The following ZMYND8 variants were observed in gnomAD, a reference collection of about 807,000 sequenced individuals.
ZMYND8 encodes MYND-type zinc finger-containing chromatin reader ZMYND8.
Under a neutral mutation model 140.8 loss-of-function variants are expected in ZMYND8, and 37 were observed. That is an observed-to-expected ratio of 0.26 (90% CI 0.20 to 0.35). The LOEUF is 0.35. Among genes scored for constraint, ZMYND8 ranks in the 10% least tolerant of loss-of-function variants. The pLI, the probability that ZMYND8 is intolerant of heterozygous loss-of-function variation, is 1.00. For missense variants in ZMYND8, 1,068 were observed against 1,570.0 expected (o/e 0.68, Z 5.40); for synonymous variants, 592 against 597.1 (o/e 0.99, Z 0.12).
Position 47,276,765 on chromosome 20 carries a change from G to T in ZMYND8, c.1029C>A (p.Leu343=). 6.2e-7 allele frequency: 1 copy of T among 1,612,418 alleles called. No individual in the cohort carries two copies. Among genetic ancestry groups the T allele is most frequent in the South Asian group, 1.1e-5 (1 of 91,032 alleles). The change falls in exon 11 of 23, where the codon CTC becomes CTA. Residue 343 remains leucine (L), a synonymous_variant. Transcript: ENST00000471951. ...RAWVPINNCY[L]MSKEIPFSVK... Reference sequence around the variant, plus strand: ...CAGAAAAAGGAATTTCTTTAGACATGAGGTAGCAATTATTTATTGGAACCC... The same window carrying T: ...CAGAAAAAGGAATTTCTTTAGACATTAGGTAGCAATTATTTATTGGAACCC...
In ZMYND8 at chr20:47,246,453, C is replaced by A. The variant is rs767528151; in HGVS notation, c.1839G>T (p.Glu613Asp). The part of the protein sequence containing the change: ...AVEHSDSEDS[E>D]KSDSSDSEYI... The stretch of plus-strand genomic sequence containing the variant: ...ACTCACTATCGCTACTATCTGACTT[C>A]TCAGAATCCTCCGAATCGCTGTGCT... Residue 613 changes from glutamate (E) to aspartate (D), a missense_variant, in exon 14 of 23, where the codon GAG becomes GAT. By Grantham distance (45) the Glu-to-Asp change is conservative (BLOSUM62 2). Transcript: ENST00000471951. The A allele has an allele frequency of 6.2e-7, 1 of 1,613,886 alleles. No individual in the cohort carries two copies. Among genetic ancestry groups the A allele is most frequent in the Non-Finnish European group, 8.5e-7 (1 of 1,180,032 alleles).
At chr20:47,306,925 G>A (rs2078532775) in intron 3 of ZMYND8, among the ~76,000 whole-genome samples, 1 of 152,162 alleles carries the variant, frequency 6.6e-6, no homozygotes, top group African/African-American at 2.4e-5. Context: ...AGGGAATGGT[G>A]GGCAGTGTGG....
rs1477884036 is a variant in ZMYND8, at chr20:47,246,106, G to A, written c.2186C>T (p.Ser729Leu). ...PTVHLGLDSD[S>L]ESELVIDLGE... Reference sequence around the variant, plus strand: ...TAAATCTATGACAAGTTCGCTCTCTGAATCAGAGTCCAGGCCCAAATGGAC... The same window carrying A: ...TAAATCTATGACAAGTTCGCTCTCTAAATCAGAGTCCAGGCCCAAATGGAC... The change falls in exon 14 of 23, where the codon TCA (serine) becomes TTA (leucine). Residue 729 changes from serine to leucine, a missense_variant. Coordinates refer to ENST00000471951, the MANE Select transcript of ZMYND8 (RefSeq NM_001281775.3). 4 of 1,614,072 alleles carry A rather than the reference G, an allele frequency of 2.5e-6. No homozygotes were observed.
chr20:47,327,414 G>T (rs2080524813), intron 2 of ZMYND8, among the ~76,000 whole-genome samples: 1 of 152,022 alleles, frequency 6.6e-6, no homozygotes, highest in African/African-American at 2.4e-5. Context: ...AGCACTTTGG[G>T]AGGCCAAGGC....
At chr20:47,318,147 C>T (rs1037236585) in intron 2 of ZMYND8, among the ~76,000 whole-genome samples, 1 of 152,062 alleles carries the variant, frequency 6.6e-6, no homozygotes, top group African/African-American at 2.4e-5. Flanking sequence ...TGGAAAACAC[C>T]GGCCTGTGTA....
At chr20:47,211,206 C>T (rs760489510) in intron 22 of ZMYND8, among the ~76,000 whole-genome samples, 4 of 152,166 alleles carry the variant, frequency 2.6e-5, no homozygotes, top group South Asian at 2.1e-4. Context: ...TGTCTGGAAC[C>T]GTGTATCCTT....
chr20:47,342,998 AGCCGG>A (rs1328390847), intron 2 of ZMYND8, among the ~76,000 whole-genome samples: 1 of 152,040 alleles, frequency 6.6e-6, no homozygotes, highest in Non-Finnish European at 1.5e-5. Flanking sequence ...TAAATAGGCC[AGCCGG>A]GCATGGTGGT....
intron 22 of ZMYND8, among the ~76,000 whole-genome samples, chr20:47,211,987 A>C (rs2035336376): frequency 1.3e-5 from 2 of 152,316 alleles, no homozygotes; most frequent in South Asian, 4.1e-4. Context: ...AGTGACCAAA[A>C]GGGAGCAATA....
intron 8 of ZMYND8, chr20:47,285,883 T>G (rs992802283): frequency 3.2e-6 from 3 of 951,882 alleles, no homozygotes; most frequent in Admixed American, 6.2e-5. Context: ...TTTATAAAAC[T>G]CTCTCTACAT....
chr20:47,284,696 C>T (rs1370982291), intron 8 of ZMYND8, among the ~76,000 whole-genome samples: 5 of 152,080 alleles, frequency 3.3e-5, no homozygotes, highest in Non-Finnish European at 7.4e-5. Context: ...GCTCCACTGA[C>T]GACAATCCGA....
intron 14 of ZMYND8, among the ~76,000 whole-genome samples, chr20:47,240,850 G>A (rs1017728650): frequency 1.3e-5 from 2 of 151,692 alleles, no homozygotes; most frequent in African/African-American, 4.8e-5. Context: ...CAACGTGCCC[G>A]GCCTATTTTA....
chr20:47,340,142 A>G (rs1182411382), intron 2 of ZMYND8, among the ~76,000 whole-genome samples: 2 of 152,060 alleles, frequency 1.3e-5, no homozygotes, highest in African/African-American at 4.8e-5. Context: ...GGGTTTCACC[A>G]TATTGGCCAG....
intron 8 of ZMYND8, among the ~76,000 whole-genome samples, chr20:47,284,267 TG>T (rs765915792): frequency 6.6e-6 from 1 of 152,154 alleles, no homozygotes; most frequent in Non-Finnish European, 1.5e-5. Flanking sequence ...GTCCTTCCCC[TG>T]CTTAAAAGCC....
chr20:47,302,762 C>T (rs1230652626), intron 3 of ZMYND8, among the ~76,000 whole-genome samples: 1 of 152,098 alleles, frequency 6.6e-6, no homozygotes, highest in Non-Finnish European at 1.5e-5. Flanking sequence ...GACTTAGAGA[C>T]CCCCTCAGAG....
At chr20:47,299,002 A>C in intron 3 of ZMYND8, 55 bp from the exon 4 acceptor site, 3 of 1,542,176 alleles carry the variant, frequency 1.9e-6, no homozygotes, top group Non-Finnish European at 2.7e-6. Context: ...GCATTCTCAA[A>C]AGGAATTTGA....
At chr20:47,270,662 A>T (rs1393011095) in intron 11 of ZMYND8, among the ~76,000 whole-genome samples, 2 of 146,892 alleles carry the variant, frequency 1.4e-5, no homozygotes, top group Admixed American at 6.9e-5. Context: ...AGAGTCTGAG[A>T]CCAGCCTGGG....
At chr20:47,238,583 G>C in intron 15 of ZMYND8, 175 bp downstream of exon 15, 1 of 1,250,900 alleles carries the variant, frequency 8.0e-7, no homozygotes, top group Non-Finnish European at 1.1e-6. Context: ...AAAAAAGCAA[G>C]TAGCAAAACA....
intron 3 of ZMYND8, among the ~76,000 whole-genome samples, chr20:47,307,004 T>C (rs1031354863): frequency 5.3e-5 from 8 of 152,128 alleles, no homozygotes; most frequent in African/African-American, 1.9e-4. Flanking sequence ...TTGCTAGATT[T>C]TGCTGAGTGC....
chr20:47,266,531 C>G (rs2075541493), intron 11 of ZMYND8, among the ~76,000 whole-genome samples: 1 of 152,160 alleles, frequency 6.6e-6, no homozygotes, highest in Admixed American at 6.5e-5. Context: ...ATCTACCCAC[C>G]TAGGCCTCCC....
Sources: gnomAD v4.1 joint callset for allele counts (sites outside exome capture counted in the v4.1 genomes callset) on GRCh38, gnomAD v4.1.1 for gene constraint, MANE v1.5 for transcripts, NCBI Gene and HGNC (gene_info 2026-07-23, HGNC 2026-07-21) for gene names.